Variants in TYMS observed in about 807,000 individuals in gnomAD.
TYMS encodes the protein thymidylate synthetase, also known as thymidylate synthase.
A neutral mutation model predicts 39.3 loss-of-function variants in TYMS; 21 were observed. The observed-to-expected ratio is 0.54, with a 90% CI of 0.38 to 0.77. TYMS has a LOEUF of 0.77. TYMS is among the 30% of genes least tolerant of loss of function. TYMS has a pLI of 0.00. For missense variants in TYMS, 273 were observed against 406.7 expected, an observed-to-expected ratio of 0.67 and a Z score of 2.83; for synonymous variants, 171 against 162.2, an observed-to-expected ratio of 1.05 and a Z score of -0.41.
In TYMS at chr18:658,199, G is replaced by T. The variant is rs747334000; in HGVS notation, c.205+252G>T. 6 of 1,534,816 alleles carry T rather than the reference G, an allele frequency of 3.9e-6. No individual in the cohort carries two copies. In the Admixed American group the frequency reaches 1.2e-4, roughly 29 times the overall value. On this transcript the variant is annotated intron_variant, in intron 1 of 6. Transcript: ENST00000323274. The surrounding 1 kb of genome is among the most constrained non-coding windows in gnomAD (Gnocchi z 4.5). ...GCCGCGTCCCAGCGGCTCCGCGGCCGGGCTCGCAGTCGCCCCAGTGATGCC... is the reference window on the plus strand; with the variant it reads ...GCCGCGTCCCAGCGGCTCCGCGGCCTGGCTCGCAGTCGCCCCAGTGATGCC...
In TYMS at chr18:673,261, G is replaced by C. The variant is rs2075151259; in HGVS notation, c.*264G>C. 3.2e-6 allele frequency: 1 copy of C among 307,734 alleles called. No homozygotes were observed. The highest frequency in any genetic ancestry group is 6.0e-6 in the Non-Finnish European group (1 of 166,970). The allele number at this position is 307,734 out of a possible 1,614,324, so 19.1% of individuals were successfully genotyped here. A position where few individuals can be genotyped will look rare whatever the true frequency, so the allele number is the denominator to read the frequency against. On this transcript the variant is annotated 3_prime_UTR_variant, in exon 7 of 7. Transcript: ENST00000323274. The stretch of plus-strand genomic sequence containing the variant: ...ACAAAGTGAGGAGAATGAAATGTAT[G>C]TGCTCTTAGCAAAAACATGTATGTG...
intron 3 of TYMS, among the ~76,000 whole-genome samples, chr18:663,894 G>A (rs1451518962): frequency 9.0e-6 from 1 of 110,868 alleles, no homozygotes; most frequent in East Asian, 3.0e-4. Flanking sequence ...TTTGGTACCA[G>A]TACCATACTG....
intron 5 of TYMS, 105 bp from the exon 6 acceptor site, chr18:671,275 T>G: frequency 2.4e-6 from 2 of 824,080 alleles, no homozygotes; most frequent in South Asian, 1.4e-5. Context: ...CTAAATTATT[T>G]TTTTAAAAAA....
rs765146014 is a variant in TYMS at position 670,840 on chromosome 18, CA to C, written c.706del (p.Met236Ter). 6.2e-7 allele frequency: 1 copy of C among 1,614,062 alleles called. No individual in the cohort carries two copies. Among genetic ancestry groups the C allele is most frequent in the South Asian group, 1.1e-5 (1 of 91,070 alleles). ...TCGCCAGCTACGCCCTGCTCACGTA[CA>C]TGATTGCGCACATCACGGGCCTGAA... is the stretch of plus-strand genomic sequence containing the variant. The part of the protein sequence containing the change: ...NIASYALLTY[M>X]IAHITGLKPG... On this transcript the variant is annotated frameshift_variant, in exon 5 of 7. Coordinates refer to ENST00000323274, the MANE Select transcript of TYMS (RefSeq NM_001071.4). LOFTEE classifies it high-confidence loss of function.
Position 658,387 on chromosome 18 carries a change from G to A in TYMS, c.205+440G>A. On this transcript the variant is annotated intron_variant, in intron 1 of 6. Transcript: ENST00000323274. This position sits in a 1 kb window ranked among gnomAD's most constrained non-coding sequence, Gnocchi z 4.5. ...CGCTTCGCAGCGTTTTCAAAAACTG[G>A]AGCGAAAGTGATGTGGGCGGGGCAA... 5.6e-6 allele frequency: 7 copies of A among 1,256,544 alleles called. No homozygotes were observed. The highest frequency in any genetic ancestry group is 7.2e-6 in the Non-Finnish European group (7 of 966,750). The allele number at this position is 1,256,544 out of a possible 1,614,324, so 77.8% of individuals were successfully genotyped here.
rs2074763132 is a variant in TYMS, at chr18:662,201, A to G, written c.335A>G (p.Asn112Ser). Residue 112 changes from asparagine (N) to serine (S), a missense_variant, in exon 3 of 7, where the codon AAT (asparagine) becomes AGT (serine). By Grantham distance (46) the Asn-to-Ser change is conservative. Transcript: ENST00000323274. Reference sequence around the variant, plus strand: ...AAGGGAGTGAAAATCTGGGATGCCAATGGATCCCGAGACTTTTTGGACAGC... The same window carrying G: ...AAGGGAGTGAAAATCTGGGATGCCAGTGGATCCCGAGACTTTTTGGACAGC... ...SSKGVKIWDA[N>S]GSRDFLDSLG... is the part of the protein sequence containing the mutation. 6.2e-7 allele frequency: 1 copy of G among 1,613,914 alleles called. No homozygotes were observed. Among genetic ancestry groups the G allele is most frequent in the Admixed American group, 1.7e-5 (1 of 59,984 alleles).
intron 2 of TYMS, among the ~76,000 whole-genome samples, chr18:661,877 C>T (rs957044533): frequency 1.3e-5 from 2 of 152,204 alleles, no homozygotes; most frequent in African/African-American, 2.4e-5. Flanking sequence ...CCCAGCTACT[C>T]GGGAGGCTGA....
At chr18:661,813 C>G (rs2074758161) in intron 2 of TYMS, among the ~76,000 whole-genome samples, 1 of 152,218 alleles carries the variant, frequency 6.6e-6, no homozygotes, top group African/African-American at 2.4e-5. Flanking sequence ...TGGAGAAACA[C>G]TGTCTCTACT....
At chr18:669,840 T>TTAAA in intron 4 of TYMS, among the ~76,000 whole-genome samples, 1 of 148,196 alleles carries the variant, frequency 6.7e-6, no homozygotes, top group East Asian at 2.0e-4. Flanking sequence ...CTCACACCTG[T>TTAAA]AATTCCAACA....
rs2144253845 is a variant in TYMS at position 658,372 on chromosome 18, C to A, written c.205+425C>A. ...CCCTGTGGACCATTCCGCTTCGCAG[C>A]GTTTTCAAAAACTGGAGCGAAAGTG... On this transcript the variant is annotated intron_variant, in intron 1 of 6. Transcript: ENST00000323274. This position sits in a 1 kb window ranked among gnomAD's most constrained non-coding sequence, Gnocchi z 4.5. 1 of 1,279,414 alleles carries A rather than the reference C, an allele frequency of 7.8e-7. No individual in the cohort carries two copies. Among genetic ancestry groups the A allele is most frequent in the South Asian group, 1.3e-5 (1 of 76,104 alleles). The allele number at this position is 1,279,414 out of a possible 1,614,324, so 79.3% of individuals were successfully genotyped here.
chr18:666,967 GGT>G (rs2074841480), intron 3 of TYMS, among the ~76,000 whole-genome samples: 3 of 12,352 alleles, frequency 2.4e-4, no homozygotes, highest in South Asian at 3.7e-3. Context: ...AGATGGAGAT[GGT>G]GATGGAGATG....
At position 671,424 on chromosome 18, in the gene TYMS, G is replaced by C. The variant is rs774146272; in HGVS notation, c.777G>C (p.Leu259=). Residue 259 remains leucine (L), a synonymous_variant, in exon 6 of 7, where the codon CTG becomes CTC. Transcript: ENST00000323274. ...CTTTGGGAGATGCACATATTTACCT[G>C]AATCACATCGAGCCACTGAAAATTC... ...IHTLGDAHIY[L]NHIEPLKIQL... The C allele has an allele frequency of 1.9e-6, 3 of 1,611,700 alleles. No individual in the cohort carries two copies. The Admixed American group carries it at 5.0e-5, about 27-fold the overall frequency.
chr18:673,193 T>C lies in TYMS; in HGVS notation c.*196T>C, dbSNP rs2075147441. ...CAGTTCTTTCCATAATAAAAGGCTTTGAGTTAACTCACTGAGGGTATCTGA... is the reference window on the plus strand; with the variant it reads ...CAGTTCTTTCCATAATAAAAGGCTTCGAGTTAACTCACTGAGGGTATCTGA... On this transcript the variant is annotated 3_prime_UTR_variant, in exon 7 of 7. Transcript: ENST00000323274. The C allele has an allele frequency of 1.4e-5, 7 of 491,706 alleles. No individual in the cohort carries two copies. The South Asian group carries it at 4.1e-4, about 29-fold the overall frequency. The allele number at this position is 491,706 out of a possible 1,614,324, so 30.5% of individuals were successfully genotyped here. A position where few individuals can be genotyped will look rare whatever the true frequency, so the allele number is the denominator to read the frequency against.
Position 660,216 on chromosome 18 carries a change from C to T in TYMS, c.279+502C>T, listed in dbSNP as rs2074742987. Among the ~76,000 whole-genome samples, 1 of 152,202 alleles carries T rather than the reference C, an allele frequency of 6.6e-6. No homozygotes were observed. Among genetic ancestry groups the T allele is most frequent in the Non-Finnish European group, 1.5e-5 (1 of 68,040 alleles). On this transcript the variant is annotated intron_variant, in intron 2 of 6. Coordinates refer to ENST00000323274, the MANE Select transcript of TYMS (RefSeq NM_001071.4). This position sits in a 1 kb window ranked among gnomAD's most constrained non-coding sequence, Gnocchi z 4.6. ...TTAGCTGCTGCTCTCTGCACCAGCCCTGCTGTTCTTGTGAGTTTTTGAGCA... is the reference window on the plus strand; with the variant it reads ...TTAGCTGCTGCTCTCTGCACCAGCCTTGCTGTTCTTGTGAGTTTTTGAGCA...
intron 3 of TYMS, 95 bp from the exon 4 acceptor site, chr18:668,977 C>CTGGGTAAG: frequency 9.7e-7 from 1 of 1,030,610 alleles, no homozygotes; most frequent in Non-Finnish European, 1.4e-6. Flanking sequence ...AGGGGGGACC[C>CTGGGTAAG]TGGGTAAGAG....
intron 1 of TYMS, 24 bp downstream of exon 1, chr18:657,971 A>T: frequency 6.6e-7 from 1 of 1,508,800 alleles, no homozygotes; most frequent in Admixed American, 2.3e-5. Context: ...CCCCTGCGGG[A>T]CGGGTGGCGG....
At chr18:667,473 GGT>G (rs2074873827) in intron 3 of TYMS, among the ~76,000 whole-genome samples, 1 of 20,934 alleles carries the variant, frequency 4.8e-5, no homozygotes, top group Non-Finnish European at 8.9e-5. Context: ...AGATGGTGAT[GGT>G]GATGGTGATG....
chr18:669,943 C>CA (rs1014825807), intron 4 of TYMS, among the ~76,000 whole-genome samples: 2 of 151,760 alleles, frequency 1.3e-5, no homozygotes, highest in Non-Finnish European at 2.9e-5. Flanking sequence ...GCCTGGGCAA[C>CA]AGAGTGAGAC....
At position 671,785 on chromosome 18, in the gene TYMS, CTTTTTT is replaced by C. The variant is rs58489074; in HGVS notation, c.804+339_804+344del. The C allele has an allele frequency of 2.0e-5, 5 of 245,654 alleles. No homozygotes were observed. The South Asian group carries it at 2.7e-4, about 13-fold the overall frequency. 15.2% of individuals were successfully genotyped at this position (245,654 alleles called of 1,614,324 possible). On this transcript the variant is annotated intron_variant, in intron 6 of 6. Transcript: ENST00000323274. ...TTGAAGTGCAAATGTTTTTCCTTTTCTTTTTTTTTTGAGATGGAGTCTTTCTCTGTC... is the reference window on the plus strand; with the variant it reads ...TTGAAGTGCAAATGTTTTTCCTTTTCTTTTGAGATGGAGTCTTTCTCTGTC...
Sources: gnomAD v4.1 joint callset for allele counts (sites outside exome capture counted in the v4.1 genomes callset) on GRCh38, gnomAD v4.1.1 for gene constraint, Gnocchi (gnomAD v3.1) non-coding constraint, MANE v1.5 for transcripts, NCBI Gene and HGNC (gene_info 2026-07-23, HGNC 2026-07-21) for gene names.